Variants in ADRA1B observed in about 807,000 individuals in gnomAD.
ADRA1B encodes the protein alpha-1B adrenergic receptor.
A neutral mutation model predicts 17.9 loss-of-function variants in ADRA1B; 17 were observed. The observed-to-expected ratio is 0.95, with a 90% confidence interval of 0.65 to 1.42. The LOEUF (loss-of-function observed/expected upper bound fraction) is 1.42, where lower values mean the gene tolerates loss of function less well. Among genes scored for constraint, ADRA1B ranks in the 40% most tolerant of loss-of-function variants. ADRA1B has a pLI of 0.00. For missense variants in ADRA1B, 681 were observed against 722.1 expected (o/e 0.94, Z 0.65); for synonymous variants, 366 against 327.6 (o/e 1.12, Z -1.27).
Position 159,878,486 on chromosome 5 carries a change from G to A in ADRA1B, c.-256+13280G>A, listed in dbSNP as rs141723400. ...CAGTTCTGGATTCCCTGTTTTCCGC[G>A]TGCAATCTGTCTGATTAATTCAGCT... On this transcript the variant is annotated intron_variant, in intron 1 of 2. Transcript: ENST00000641205. Among the ~76,000 whole-genome samples, 558 of 152,314 alleles carry A rather than the reference G, an allele frequency of 3.7e-3. 2 individuals carry two copies. The highest frequency in any genetic ancestry group is 9.6e-3 in the African/African-American group (401 of 41,560).
intron 1 of ADRA1B, among the ~76,000 whole-genome samples, chr5:159,931,494 T>C (rs1415799435): frequency 6.6e-6 from 1 of 152,150 alleles, no homozygotes; most frequent in African/African-American, 2.4e-5. Context: ...AAGTTGTTGA[T>C]TTTTTATTCG....
At chr5:159,882,735 C>T (rs1426074955) in intron 1 of ADRA1B, among the ~76,000 whole-genome samples, 1 of 143,928 alleles carries the variant, frequency 6.9e-6, no homozygotes, top group African/African-American at 2.7e-5. Flanking sequence ...CTTCAGGGCT[C>T]AAGCTCTCTA....
chr5:159,942,761 T>A (rs924006526), intron 1 of ADRA1B, among the ~76,000 whole-genome samples: 3 of 152,108 alleles, frequency 2.0e-5, no homozygotes, highest in Non-Finnish European at 4.4e-5. Flanking sequence ...TATGAGTATG[T>A]GTATGGAAAT....
intron 1 of ADRA1B, among the ~76,000 whole-genome samples, chr5:159,951,694 C>G (rs924203362): frequency 6.6e-6 from 1 of 152,188 alleles, no homozygotes; most frequent in African/African-American, 2.4e-5. Context: ...CCACCCATAG[C>G]CACCTTTGGG....
At chr5:159,891,981 G>A (rs766832501) in intron 1 of ADRA1B, among the ~76,000 whole-genome samples, 6 of 152,214 alleles carry the variant, frequency 3.9e-5, no homozygotes, top group Non-Finnish European at 4.4e-5. Flanking sequence ...GCTCACACCT[G>A]TAATCCCAGC....
At chr5:159,982,012 ATT>A in the ADRA1B span, among the ~76,000 whole-genome samples, 1 of 152,216 alleles carries the variant, frequency 6.6e-6, no homozygotes, top group East Asian at 1.9e-4. Flanking sequence ...ACATAAGGTG[ATT>A]CTGTTTCCAC....
At chr5:159,891,763 G>T (rs1236857148) in intron 1 of ADRA1B, among the ~76,000 whole-genome samples, 1 of 152,164 alleles carries the variant, frequency 6.6e-6, no homozygotes, top group Non-Finnish European at 1.5e-5. Flanking sequence ...AGGGCAAAGT[G>T]GTAGCGGAGA....
chr5:159,884,827 A>C (rs1753906093), intron 1 of ADRA1B, among the ~76,000 whole-genome samples: 1 of 152,246 alleles, frequency 6.6e-6, no homozygotes, highest in South Asian at 2.1e-4. Flanking sequence ...GCCATCTTGA[A>C]TAGAGAAAGG....
chr5:159,981,581 C>T, the ADRA1B span, among the ~76,000 whole-genome samples: 1 of 152,144 alleles, frequency 6.6e-6, no homozygotes, highest in Non-Finnish European at 1.5e-5. Context: ...CTGCAGGCTC[C>T]GCCTTCCAGG....
In ADRA1B at chr5:159,971,907, C is replaced by T. The variant is rs145167120; in HGVS notation, c.978C>T (p.Pro326=). The change falls in exon 2 of 2, where the codon CCC becomes CCT. Residue 326 remains proline, a synonymous_variant. Transcript: ENST00000306675. ...LGSLFSTLKP[P]DAVFKVVFWL... ...CCTTGTTCTCCACCCTGAAGCCCCC[C>T]GACGCCGTGTTCAAGGTGGTGTTCT... 3 of 1,299,360 alleles carry T rather than the reference C, an allele frequency of 2.3e-6. No homozygotes were observed. The highest frequency in any genetic ancestry group is 3.0e-6 in the Non-Finnish European group (3 of 1,011,158). 80.5% of individuals were successfully genotyped at this position (1,299,360 alleles called of 1,614,324 possible).
intron 1 of ADRA1B, among the ~76,000 whole-genome samples, chr5:159,865,539 T>C (rs549635278): frequency 1.5e-3 from 232 of 152,346 alleles, no homozygotes; most frequent in African/African-American, 5.3e-3. Flanking sequence ...TTTCTTGTGC[T>C]TCACTGTAAA....
intron 1 of ADRA1B, among the ~76,000 whole-genome samples, chr5:159,880,949 G>A (rs1158972591): frequency 6.6e-6 from 1 of 152,142 alleles, no homozygotes; most frequent in Non-Finnish European, 1.5e-5. Context: ...CTCTTTCAGG[G>A]TAGATGGTGC....
intron 1 of ADRA1B, among the ~76,000 whole-genome samples, chr5:159,967,920 T>A (rs1405443232): frequency 6.6e-6 from 1 of 151,958 alleles, no homozygotes; most frequent in Non-Finnish European, 1.5e-5. Flanking sequence ...GCTTCCAGTG[T>A]GATGAACGTG....
At chr5:159,890,674 T>A (rs1426274116) in intron 1 of ADRA1B, among the ~76,000 whole-genome samples, 1 of 152,196 alleles carries the variant, frequency 6.6e-6, no homozygotes, top group Non-Finnish European at 1.5e-5. Flanking sequence ...TCCTTACACA[T>A]GACACCTGGG....
chr5:159,962,941 T>C (rs1387447661), intron 1 of ADRA1B, among the ~76,000 whole-genome samples: 2 of 144,964 alleles, frequency 1.4e-5, no homozygotes, highest in East Asian at 2.0e-4. Flanking sequence ...TTTTCTTTTT[T>C]TTTTTTTTTT....
intron 1 of ADRA1B, among the ~76,000 whole-genome samples, chr5:159,967,221 A>C (rs1012574372): frequency 6.6e-6 from 1 of 152,244 alleles, no homozygotes; most frequent in South Asian, 2.1e-4. Flanking sequence ...AAAAGAAATG[A>C]AGATATAGCT....
intron 1 of ADRA1B, among the ~76,000 whole-genome samples, chr5:159,953,200 A>G (rs1270595778): frequency 6.6e-6 from 1 of 152,008 alleles, no homozygotes; most frequent in Non-Finnish European, 1.5e-5. Flanking sequence ...ATCTCTACTA[A>G]AAATACAAAA....
chr5:159,900,985 G>A (rs1327784416), intron 1 of ADRA1B, among the ~76,000 whole-genome samples: 2 of 152,172 alleles, frequency 1.3e-5, no homozygotes, highest in Non-Finnish European at 2.9e-5. Flanking sequence ...ATGAAAACAA[G>A]CTCATGGCCT....
intron 1 of ADRA1B, among the ~76,000 whole-genome samples, chr5:159,955,514 A>C (rs1755536208): frequency 6.6e-6 from 1 of 152,046 alleles, no homozygotes; most frequent in African/African-American, 2.4e-5. Flanking sequence ...TCAATGTTTT[A>C]CCATCTGATT....
Sources: gnomAD v4.1 joint callset for allele counts (sites outside exome capture counted in the v4.1 genomes callset) on GRCh38, gnomAD v4.1.1 for gene constraint, MANE v1.5 for transcripts, NCBI Gene and HGNC (gene_info 2026-07-23, HGNC 2026-07-21) for gene names.